ZNG1A: variants seen among roughly 807,000 people sequenced by gnomAD.
The protein encoded by ZNG1A is Zn regulated GTPase metalloprotein activator 1A.
the ZNG1A span, among the ~76,000 whole-genome samples, chr9:140,353 C>G: frequency 6.6e-6 from 1 of 151,290 alleles, no homozygotes; most frequent in African/African-American, 2.5e-5. Flanking sequence ...GGGTCCCTGA[C>G]CCCTGACCCC....
At chr9:172,121 A>G in the ZNG1A span, 2 of 1,611,264 alleles carry the variant, frequency 1.2e-6, no homozygotes, top group East Asian at 2.2e-5. Context: ...GTATGTAATC[A>G]AATTTCCCCT....
chr9:130,108 C>T, the ZNG1A span, among the ~76,000 whole-genome samples: 3 of 151,292 alleles, frequency 2.0e-5, no homozygotes, highest in Non-Finnish European at 4.4e-5. Context: ...GACTAAAACG[C>T]TGTTATGCGG....
the ZNG1A span, among the ~76,000 whole-genome samples, chr9:165,182 A>G: frequency 2.6e-5 from 4 of 152,176 alleles, no homozygotes; most frequent in African/African-American, 9.7e-5. Flanking sequence ...CTTGGCTAAA[A>G]CATGATTTTA....
the ZNG1A span, among the ~76,000 whole-genome samples, chr9:169,303 G>A: frequency 3.4e-5 from 5 of 147,412 alleles, no homozygotes; most frequent in African/African-American, 5.2e-5. Context: ...GAATTAGAAG[G>A]GGAGTCTGAA....
the ZNG1A span, among the ~76,000 whole-genome samples, chr9:171,425 T>C: frequency 2.0e-5 from 3 of 151,980 alleles, no homozygotes; most frequent in Non-Finnish European, 2.9e-5. Context: ...CTAAAAGTTA[T>C]TTGGGGAAAA....
the ZNG1A span, chr9:156,553 G>C: frequency 1.3e-6 from 2 of 1,594,490 alleles, no homozygotes; most frequent in South Asian, 1.1e-5. Context: ...TTGGAATAAA[G>C]TTACTATAAT....
At chr9:173,428 T>G in the ZNG1A span, 1 of 1,606,106 alleles carries the variant, frequency 6.2e-7, no homozygotes, top group South Asian at 1.1e-5. Flanking sequence ...AAAACAAAGA[T>G]GAGGATAACT....
chr9:129,800 G>C, the ZNG1A span, among the ~76,000 whole-genome samples: 1 of 101,554 alleles, frequency 9.8e-6, no homozygotes, highest in Non-Finnish European at 2.5e-5. Flanking sequence ...TGTGGAAGAA[G>C]GTAGGTCTCA....
At chr9:145,499 G>C in the ZNG1A span, among the ~76,000 whole-genome samples, 191 of 139,166 alleles carry the variant, frequency 1.4e-3, no homozygotes, top group Admixed American at 3.2e-3. Context: ...ATTGAACAAT[G>C]AGAACACATG....
chr9:121,518 TTC>T, the ZNG1A span: 1 of 1,611,376 alleles, frequency 6.2e-7, no homozygotes, highest in South Asian at 1.1e-5. Flanking sequence ...GCTTTTCTGT[TTC>T]TGTCACAGTA....
chr9:159,788 G>A, the ZNG1A span, among the ~76,000 whole-genome samples: 8,515 of 151,946 alleles, frequency 0.056, 282 homozygotes, highest in African/African-American at 0.1. Flanking sequence ...TGTCAAAGAT[G>A]TCTGGTGTCA....
At chr9:176,912 G>T in the ZNG1A span, among the ~76,000 whole-genome samples, 15 of 152,026 alleles carry the variant, frequency 9.9e-5, no homozygotes, top group Non-Finnish European at 2.2e-4. Context: ...TTTATGCTGG[G>T]CCTTGGTGAA....
At chr9:136,785 T>A in the ZNG1A span, among the ~76,000 whole-genome samples, 1 of 151,886 alleles carries the variant, frequency 6.6e-6, no homozygotes, top group Non-Finnish European at 1.5e-5. Context: ...AGGCTTATAA[T>A]CCCAGCACTT....
the ZNG1A span, chr9:172,254 A>T: frequency 6.4e-7 from 1 of 1,560,982 alleles, no homozygotes; most frequent in African/African-American, 1.4e-5. Context: ...AAATATATTC[A>T]ACAACCCGAG....
At chr9:156,467 T>G in the ZNG1A span, 1 of 1,589,100 alleles carries the variant, frequency 6.3e-7, no homozygotes. Flanking sequence ...AATATATACT[T>G]TAAATATGAA....
the ZNG1A span, among the ~76,000 whole-genome samples, chr9:135,279 A>C: frequency 6.7e-6 from 1 of 149,896 alleles, no homozygotes; most frequent in African/African-American, 2.5e-5. Context: ...GAGAAAAACT[A>C]GTCTTTTAGC....
the ZNG1A span, among the ~76,000 whole-genome samples, chr9:176,947 T>G: frequency 6.6e-6 from 1 of 152,230 alleles, no homozygotes; most frequent in African/African-American, 2.4e-5. Context: ...AGTCTCTGCC[T>G]TCATAGAGCT....
the ZNG1A span, among the ~76,000 whole-genome samples, chr9:129,274 C>T: frequency 1.3e-5 from 2 of 151,938 alleles, no homozygotes; most frequent in Non-Finnish European, 2.9e-5. Context: ...TCCACTGTTA[C>T]TAGTAATAGG....
the ZNG1A span, chr9:150,561 A>C: frequency 1.0e-6 from 1 of 983,444 alleles, no homozygotes; most frequent in Non-Finnish European, 1.2e-6. Context: ...AAAGGATTCT[A>C]ATGCAACTTC....
Sources: allele counts gnomAD v4.1 joint callset (sites outside exome capture counted in the v4.1 genomes callset), GRCh38; gene constraint gnomAD v4.1.1; transcripts MANE v1.5; gene names NCBI Gene and HGNC (gene_info 2026-07-23, HGNC 2026-07-21).